The following PLPP3 variants were observed in gnomAD, a reference collection of about 807,000 sequenced individuals.
PLPP3 encodes the protein phospholipid phosphatase 3, also known as PAP2 beta.
PLPP3 carries 6 observed loss-of-function variants against 29.6 expected under a neutral mutation model. The ratio of observed to expected loss-of-function variants is 0.20; its 90% CI spans 0.11 to 0.40. The LOEUF (loss-of-function observed/expected upper bound fraction) is 0.40, where lower values mean the gene tolerates loss of function less well. Among genes scored for constraint, PLPP3 ranks in the 10% least tolerant of loss-of-function variants. The probability of loss-of-function intolerance (pLI) is 1.00; values close to 1 mark genes in which losing one functional copy is unlikely to be tolerated. For synonymous variants in PLPP3, 152 were observed against 159.7 expected, an observed-to-expected ratio of 0.95 and a Z score of 0.36; for missense variants, 308 against 407.7, an observed-to-expected ratio of 0.76 and a Z score of 2.11.
At chr1:56,570,281 T>C (rs1321066870) in intron 1 of PLPP3, among the ~76,000 whole-genome samples, 1 of 152,202 alleles carries the variant, frequency 6.6e-6, no homozygotes, top group African/African-American at 2.4e-5. Flanking sequence ...AATAGTGTAT[T>C]ATGTGTTTTA....
intron 2 of PLPP3, among the ~76,000 whole-genome samples, chr1:56,533,421 G>A (rs1404845576): frequency 4.6e-5 from 7 of 152,122 alleles, no homozygotes; most frequent in Non-Finnish European, 8.8e-5. Context: ...CTACTGTGTG[G>A]TGAACACCTG....
intron 1 of PLPP3, among the ~76,000 whole-genome samples, chr1:56,565,126 A>G (rs1646152613): frequency 6.6e-6 from 1 of 152,218 alleles, no homozygotes; most frequent in African/African-American, 2.4e-5. Flanking sequence ...GTGTCTAATG[A>G]AATCTGCTGT....
At chr1:56,501,231 G>A (rs1056416003) in intron 5 of PLPP3, among the ~76,000 whole-genome samples, 1 of 152,064 alleles carries the variant, frequency 6.6e-6, no homozygotes, top group East Asian at 1.9e-4. Flanking sequence ...GTATGTGTGC[G>A]AGGGAGGCAA....
intron 1 of PLPP3, among the ~76,000 whole-genome samples, chr1:56,555,433 TAAAAAAAA>T (rs66593221): frequency 3.0e-5 from 1 of 33,216 alleles, no homozygotes; most frequent in Non-Finnish European, 5.4e-5. Flanking sequence ...GGCCAAACAC[TAAAAAAAA>T]AAAAAAAAAA....
At chr1:56,551,000 T>C (rs916061357) in intron 1 of PLPP3, among the ~76,000 whole-genome samples, 1 of 152,170 alleles carries the variant, frequency 6.6e-6, no homozygotes, top group African/African-American at 2.4e-5. Context: ...AGTGTGGCTT[T>C]GGGAACCCAT....
At chr1:56,573,741 C>T (rs1244580695) in intron 1 of PLPP3, among the ~76,000 whole-genome samples, 1 of 152,194 alleles carries the variant, frequency 6.6e-6, no homozygotes, top group African/African-American at 2.4e-5. Flanking sequence ...TGAACTGACA[C>T]ACAGGACAGG....
Position 56,496,448 on chromosome 1 carries a change from CA to C in PLPP3, c.*102del, listed in dbSNP as rs1306217876. 4.6e-5 allele frequency: 63 copies of C among 1,383,302 alleles called. No individual in the cohort carries two copies. The highest frequency in any genetic ancestry group is 6.2e-5 in the Non-Finnish European group (63 of 1,021,444). The allele number at this position is 1,383,302 out of a possible 1,614,324, so 85.7% of individuals were successfully genotyped here. ...TTTTCCTTTTTAAAAATCAGTCGGGCAAAAGTTTTTCCCTACATTCTACTGT... is the reference window on the plus strand; with the variant it reads ...TTTTCCTTTTTAAAAATCAGTCGGGCAAAGTTTTTCCCTACATTCTACTGT... On this transcript the variant is annotated 3_prime_UTR_variant, in exon 6 of 6. Coordinates refer to ENST00000371250, the MANE Select transcript of PLPP3 (RefSeq NM_003713.5).
intron 1 of PLPP3, among the ~76,000 whole-genome samples, chr1:56,557,012 G>GAAAGAAGGAAAGAAAGAAA (rs60511169): frequency 2.2e-4 from 2 of 9,124 alleles, no homozygotes; most frequent in Non-Finnish European, 2.7e-4. Flanking sequence ...GAAAGAAAGA[G>GAAAGAAGGAAAGAAAGAAA]AGAGAGAGAG....
intron 2 of PLPP3, among the ~76,000 whole-genome samples, chr1:56,531,438 C>A (rs1284996961): frequency 6.6e-6 from 1 of 152,196 alleles, no homozygotes; most frequent in Non-Finnish European, 1.5e-5. Flanking sequence ...AAGGTGCCTA[C>A]CACAAAGCCT....
At chr1:56,496,804 G>C in intron 5 of PLPP3, 128 bp from the exon 6 acceptor site, 1 of 897,274 alleles carries the variant, frequency 1.1e-6, no homozygotes, top group East Asian at 2.7e-5. Context: ...TTTGAATAGG[G>C]AAGGACAACA....
chr1:56,509,832 CA>C (rs59418227), intron 5 of PLPP3, among the ~76,000 whole-genome samples: 23,591 of 85,446 alleles, frequency 0.28, 1,462 homozygotes, highest in African/African-American at 0.38. Flanking sequence ...GCGAGACTCT[CA>C]AAAAAAAAAA....
At chr1:56,512,246 A>G in intron 4 of PLPP3, 94 bp from the exon 5 acceptor site, 1 of 1,201,560 alleles carries the variant, frequency 8.3e-7, no homozygotes, top group Non-Finnish European at 1.1e-6. Flanking sequence ...TTCTACGAAC[A>G]GGGATCATCT....
chr1:56,511,162 G>A (rs1645739025), intron 5 of PLPP3, among the ~76,000 whole-genome samples: 1 of 152,184 alleles, frequency 6.6e-6, no homozygotes, highest in Admixed American at 6.5e-5. Context: ...CAATATCAAA[G>A]TAGGTGCTCA....
At chr1:56,555,436 A>AAG (rs1646068796) in intron 1 of PLPP3, among the ~76,000 whole-genome samples, 3 of 142,354 alleles carry the variant, frequency 2.1e-5, no homozygotes, top group Non-Finnish European at 4.6e-5. Flanking sequence ...CAAACACTAA[A>AAG]AAAAAAAAAA....
chr1:56,496,773 AG>A, intron 5 of PLPP3, 97 bp from the exon 6 acceptor site: 1 of 1,367,500 alleles, frequency 7.3e-7, no homozygotes, highest in Non-Finnish European at 9.9e-7. Flanking sequence ...CTTCAGGAAA[AG>A]GGGCCCCAAA....
intron 1 of PLPP3, among the ~76,000 whole-genome samples, chr1:56,574,134 A>G (rs896841834): frequency 6.7e-6 from 1 of 150,338 alleles, no homozygotes; most frequent in East Asian, 2.0e-4. Context: ...CGGGAGGCAG[A>G]GGTTGCAGCG....
chr1:56,518,627 A>C (rs1645798053), intron 4 of PLPP3, among the ~76,000 whole-genome samples: 1 of 151,856 alleles, frequency 6.6e-6, no homozygotes, highest in Non-Finnish European at 1.5e-5. Flanking sequence ...ACTAGGTATC[A>C]GGCATTATTT....
rs1328050862 is a variant in PLPP3 at position 56,495,677 on chromosome 1, A to C, written c.*874T>G. On this transcript the variant is annotated 3_prime_UTR_variant, in exon 6 of 6. Coordinates refer to ENST00000371250, the MANE Select transcript of PLPP3 (RefSeq NM_003713.5). Reference sequence around the variant, plus strand: ...GCTGGTGGCAGACCATGCCTTGCTCATTCCTGGGCCCTCACAGGAAATCCT... The same window carrying C: ...GCTGGTGGCAGACCATGCCTTGCTCCTTCCTGGGCCCTCACAGGAAATCCT... 6.5e-6 allele frequency: 1 copy of C among 152,688 alleles called. No individual in the cohort carries two copies. The highest frequency in any genetic ancestry group is 2.4e-5 in the African/African-American group (1 of 41,462). The allele number at this position is 152,688 out of a possible 1,614,324, so 9.5% of individuals were successfully genotyped here. A position where few individuals can be genotyped will look rare whatever the true frequency, so the allele number is the denominator to read the frequency against.
At chr1:56,518,708 T>A (rs958983597) in intron 4 of PLPP3, among the ~76,000 whole-genome samples, 14 of 129,674 alleles carry the variant, frequency 1.1e-4, no homozygotes, top group Admixed American at 3.4e-4. Flanking sequence ...CAGCCTTTTT[T>A]AATCATTTAT....
Sources: allele counts gnomAD v4.1 joint callset (sites outside exome capture counted in the v4.1 genomes callset), GRCh38; gene constraint gnomAD v4.1.1; transcripts MANE v1.5; gene names NCBI Gene and HGNC (gene_info 2026-07-23, HGNC 2026-07-21).